Variants in CCND3 observed in about 807,000 individuals in gnomAD.
CCND3 encodes cyclin D3.
A neutral mutation model predicts 28.7 loss-of-function variants in CCND3; 9 were observed. That is an observed-to-expected ratio of 0.31 (90% CI 0.19 to 0.55). The LOEUF (loss-of-function observed/expected upper bound fraction) is 0.55. Among genes scored for constraint, CCND3 ranks in the 20% least tolerant of loss-of-function variants. The pLI is 0.93. For missense variants in CCND3, 315 were observed against 385.8 expected (o/e 0.82, Z 1.54); for synonymous variants, 164 against 163.9 (o/e 1.00, Z 0.00).
intron 1 of CCND3, among the ~76,000 whole-genome samples, chr6:42,035,672 C>A (rs536961446): frequency 9.7e-5 from 12 of 124,128 alleles, no homozygotes; most frequent in Admixed American, 3.4e-4. Flanking sequence ...CAGCTAGTTT[C>A]TTTTCTTTTC....
At chr6:42,036,403 A>AGTTTT (rs1764218228) in intron 1 of CCND3, among the ~76,000 whole-genome samples, 1 of 31,312 alleles carries the variant, frequency 3.2e-5, no homozygotes, top group East Asian at 1.4e-3. Context: ...ATATATATAT[A>AGTTTT]TTTTTTTTTT....
At chr6:42,036,412 T>A (rs1764221058) in intron 1 of CCND3, among the ~76,000 whole-genome samples, 7 of 107,780 alleles carry the variant, frequency 6.5e-5, no homozygotes, top group African/African-American at 2.6e-4. Flanking sequence ...TATTTTTTTT[T>A]TTTTTTTTTT....
At chr6:41,975,289 G>A (rs1762143918) in intron 1 of CCND3, among the ~76,000 whole-genome samples, 2 of 152,162 alleles carry the variant, frequency 1.3e-5, no homozygotes, top group Non-Finnish European at 2.9e-5. Flanking sequence ...CTCCAGCAAG[G>A]GAGAGGTGAA....
chr6:41,984,340 G>GT (rs571369693), intron 1 of CCND3, among the ~76,000 whole-genome samples: 110 of 152,008 alleles, frequency 7.2e-4, no homozygotes, highest in African/African-American at 2.6e-3. Context: ...TGGTAGTTCT[G>GT]TTTTTTTGTT....
At chr6:41,999,228 A>T (rs1212336841) in intron 1 of CCND3, among the ~76,000 whole-genome samples, 2 of 138,490 alleles carry the variant, frequency 1.4e-5, no homozygotes, top group African/African-American at 5.3e-5. Context: ...AAAAAAAAAA[A>T]TTTATAGAAC....
At chr6:42,028,157 G>A (rs368923884) in intron 1 of CCND3, among the ~76,000 whole-genome samples, 29 of 152,318 alleles carry the variant, frequency 1.9e-4, no homozygotes, top group East Asian at 1.5e-3. Context: ...TCACTAAATC[G>A]TGGCTGCTCT....
intron 1 of CCND3, among the ~76,000 whole-genome samples, chr6:42,015,807 G>T (rs1359264649): frequency 6.6e-6 from 1 of 152,030 alleles, no homozygotes; most frequent in African/African-American, 2.4e-5. Flanking sequence ...TATATATATT[G>T]TGGAATGGCT....
chr6:42,025,833 C>T (rs1177740153), intron 1 of CCND3, among the ~76,000 whole-genome samples: 3 of 152,230 alleles, frequency 2.0e-5, no homozygotes, highest in South Asian at 2.1e-4. Context: ...AGGGACTGTG[C>T]CCATCTTGTT....
intron 1 of CCND3, among the ~76,000 whole-genome samples, chr6:41,958,917 C>T (rs1464625712): frequency 6.6e-5 from 10 of 152,212 alleles, no homozygotes; most frequent in African/African-American, 1.4e-4. Context: ...TTCTGCAGTT[C>T]CTCAAAATGT....
In CCND3 at chr6:41,941,753, T is replaced by G; in HGVS notation, c.-104A>C. On this transcript the variant is annotated 5_prime_UTR_variant, in exon 1 of 5. Coordinates refer to ENST00000372991, the MANE Select transcript of CCND3 (RefSeq NM_001760.5). The surrounding 1 kb of genome is among the most constrained non-coding windows in gnomAD (Gnocchi z 6.1). ...GCGGGTCTGGCGCTGGCGCTGGCAC[T>G]GCGCGGCGGATCCCCAGCCCGCCCG... 1.3e-6 allele frequency: 1 copy of G among 791,314 alleles called. No homozygotes were observed. The highest frequency in any genetic ancestry group is 6.4e-5 in the South Asian group (1 of 15,722). 49.0% of individuals were successfully genotyped at this position (791,314 alleles called of 1,614,324 possible).
chr6:41,955,471 C>T (rs926187700), intron 1 of CCND3, among the ~76,000 whole-genome samples: 1 of 151,482 alleles, frequency 6.6e-6, no homozygotes, highest in African/African-American at 2.4e-5. Context: ...TCAACAGATA[C>T]CAAAAAAGTG....
intron 1 of CCND3, among the ~76,000 whole-genome samples, chr6:42,019,286 G>C (rs771993592): frequency 3.9e-4 from 60 of 152,128 alleles, no homozygotes; most frequent in Middle Eastern, 3.4e-3. Flanking sequence ...TGAGGAGTTC[G>C]AGACCAGCCT....
chr6:41,936,935 C>T lies in CCND3; in HGVS notation c.575-240G>A. On this transcript the variant is annotated intron_variant, in intron 3 of 4. Transcript: ENST00000372991. The surrounding 1 kb of genome is among the most constrained non-coding windows in gnomAD (Gnocchi z 4.4). The stretch of plus-strand genomic sequence containing the variant: ...GTCCCGGGAATAGACAAGACACTCC[C>T]TAGTATGGGAACACAACTAGGGCCA... 1.7e-6 allele frequency: 1 copy of T among 595,512 alleles called. No homozygotes were observed. Among genetic ancestry groups the T allele is most frequent in the Non-Finnish European group, 3.0e-6 (1 of 336,922 alleles). The allele number at this position is 595,512 out of a possible 1,614,324, so 36.9% of individuals were successfully genotyped here. A position where few individuals can be genotyped will look rare whatever the true frequency, so the allele number is the denominator to read the frequency against.
In CCND3 at chr6:41,937,831, G is replaced by A. The variant is rs561725815; in HGVS notation, c.415-437C>T. On this transcript the variant is annotated intron_variant, in intron 2 of 4. Transcript: ENST00000372991. Reference sequence around the variant, plus strand: ...CTCTCAACCCCAAGGATTTGTGAAAGGGGAGATCACCACTAGCTTCCCCTG... The same window carrying A: ...CTCTCAACCCCAAGGATTTGTGAAAAGGGAGATCACCACTAGCTTCCCCTG... The A allele has an allele frequency of 1.7e-5, 3 of 179,234 alleles. No homozygotes were observed. The East Asian group carries it at 4.3e-4, about 26-fold the overall frequency. The allele number at this position is 179,234 out of a possible 1,614,324, so 11.1% of individuals were successfully genotyped here.
At chr6:41,982,152 C>A (rs1762365061) in intron 1 of CCND3, among the ~76,000 whole-genome samples, 1 of 151,772 alleles carries the variant, frequency 6.6e-6, no homozygotes. Flanking sequence ...TGCCTGTAGT[C>A]CCAGCTGCTT....
chr6:42,042,901 G>A (rs1764416491), intron 1 of CCND3, among the ~76,000 whole-genome samples: 1 of 152,236 alleles, frequency 6.6e-6, no homozygotes, highest in Non-Finnish European at 1.5e-5. Flanking sequence ...GAAAGGAGCT[G>A]AGCTAGGACT....
At chr6:42,021,389 A>G (rs985654059) in intron 1 of CCND3, among the ~76,000 whole-genome samples, 5 of 152,202 alleles carry the variant, frequency 3.3e-5, no homozygotes, top group African/African-American at 9.7e-5. Flanking sequence ...TTTTCCTAAG[A>G]GAATATCCTA....
intron 1 of CCND3, among the ~76,000 whole-genome samples, chr6:42,024,531 G>C (rs28657543): frequency 2.0e-5 from 3 of 152,196 alleles, no homozygotes; most frequent in Non-Finnish European, 4.4e-5. Context: ...TCCACCCTCA[G>C]TGATGAGGAG....
At chr6:42,045,030 T>G (rs1764500992) in intron 1 of CCND3, among the ~76,000 whole-genome samples, 1 of 150,178 alleles carries the variant, frequency 6.7e-6, no homozygotes, top group Non-Finnish European at 1.5e-5. Context: ...GGTCTCGAAC[T>G]GCTGACCTCG....
Sources: allele counts gnomAD v4.1 joint callset (sites outside exome capture counted in the v4.1 genomes callset), GRCh38; gene constraint gnomAD v4.1.1; non-coding constraint Gnocchi (gnomAD v3.1); transcripts MANE v1.5; gene names NCBI Gene and HGNC (gene_info 2026-07-23, HGNC 2026-07-21).